The following TMEM163 variants were observed in gnomAD, a reference collection of about 807,000 sequenced individuals.
TMEM163 encodes the protein transmembrane protein 163.
TMEM163 carries 17 observed loss-of-function variants against 29.3 expected under a neutral mutation model. The observed-to-expected ratio is 0.58, with a 90% CI of 0.40 to 0.87. The LOEUF is 0.87. TMEM163 is among the 40% of genes least tolerant of loss of function. TMEM163 has a pLI of 0.00. For missense variants in TMEM163, 303 were observed against 381.5 expected, an observed-to-expected ratio of 0.79 and a Z score of 1.71; for synonymous variants, 157 against 160.6, an observed-to-expected ratio of 0.98 and a Z score of 0.17.
intron 2 of TMEM163, among the ~76,000 whole-genome samples, chr2:134,624,925 A>G (rs1167093013): frequency 6.6e-6 from 1 of 152,126 alleles, no homozygotes; most frequent in Non-Finnish European, 1.5e-5. Context: ...ATAAAAATAA[A>G]AAATTTAAAA....
chr2:134,485,091 CTTACAATGGGG>C (rs1190139145), intron 5 of TMEM163, among the ~76,000 whole-genome samples: 3 of 152,330 alleles, frequency 2.0e-5, no homozygotes, highest in African/African-American at 7.2e-5. Context: ...TGCTCCTTGA[CTTACAATGGGG>C]TTATGTCCGG....
At chr2:134,513,729 T>C (rs1271536796) in intron 4 of TMEM163, among the ~76,000 whole-genome samples, 1 of 152,128 alleles carries the variant, frequency 6.6e-6, no homozygotes, top group Non-Finnish European at 1.5e-5. Context: ...CCAAGCTCCA[T>C]TCTCCCTGAG....
At chr2:134,588,579 T>C (rs1193054378) in intron 2 of TMEM163, among the ~76,000 whole-genome samples, 1 of 152,112 alleles carries the variant, frequency 6.6e-6, no homozygotes, top group East Asian at 1.9e-4. Flanking sequence ...TCATGTGCCT[T>C]GAGACTCTCT....
At chr2:134,655,135 C>T (rs1256732750) in intron 2 of TMEM163, among the ~76,000 whole-genome samples, 1 of 138,072 alleles carries the variant, frequency 7.2e-6, no homozygotes, top group Admixed American at 7.1e-5. Context: ...TAATATCCTG[C>T]AGAGTGTTTT....
chr2:134,458,098 G>A lies in TMEM163; in HGVS notation c.743C>T (p.Ala248Val), dbSNP rs372688245. The A allele has an allele frequency of 1.4e-5, 22 of 1,614,062 alleles. No individual in the cohort carries two copies. The highest frequency in any genetic ancestry group is 7.7e-5 in the South Asian group (7 of 91,090). ...TATGCTGCCGTCCAGGTACCAGACC[G>A]CCGAGTCATGCTTGAACACTTCCGC... ...LSAEVFKHDS[A>V]VWYLDGSIGV... Residue 248 changes from alanine (A) to valine (V), a missense_variant, in exon 7 of 8, where the codon GCG (alanine) becomes GTG (valine). By Grantham distance (64) the Ala-to-Val change is moderately conservative. Coordinates refer to ENST00000281924, the MANE Select transcript of TMEM163 (RefSeq NM_030923.5).
intron 2 of TMEM163, among the ~76,000 whole-genome samples, chr2:134,648,216 T>C (rs895031637): frequency 1.3e-5 from 2 of 152,194 alleles, no homozygotes; most frequent in African/African-American, 4.8e-5. Flanking sequence ...TGGACTCCTC[T>C]CTGAAGCAAT....
At chr2:134,516,780 C>CATATATATGAAT (rs1680078933) in intron 4 of TMEM163, among the ~76,000 whole-genome samples, 2 of 139,458 alleles carry the variant, frequency 1.4e-5, no homozygotes, top group African/African-American at 5.4e-5. Context: ...CATATCTATT[C>CATATATATGAAT]ATATATATAT....
At chr2:134,618,389 G>C (rs980941237) in intron 2 of TMEM163, among the ~76,000 whole-genome samples, 2 of 152,038 alleles carry the variant, frequency 1.3e-5, no homozygotes, top group Admixed American at 1.3e-4. Flanking sequence ...TCTAACAAAA[G>C]ATCTCCAAAA....
chr2:134,706,913 G>A (rs1311892157), intron 2 of TMEM163, among the ~76,000 whole-genome samples: 5 of 152,176 alleles, frequency 3.3e-5, no homozygotes, highest in African/African-American at 9.7e-5. Context: ...CCCTGATCAC[G>A]TGGCCACAGG....
intron 4 of TMEM163, among the ~76,000 whole-genome samples, chr2:134,523,890 T>C (rs1680238428): frequency 6.6e-6 from 1 of 152,212 alleles, no homozygotes; most frequent in Non-Finnish European, 1.5e-5. Context: ...TAGACATTTT[T>C]GGTTGTCAAA....
At chr2:134,463,964 G>C (rs71417511) in intron 6 of TMEM163, among the ~76,000 whole-genome samples, 5,693 of 152,318 alleles carry the variant, frequency 0.037, 167 homozygotes, top group South Asian at 0.13. Flanking sequence ...CTGCCTGCCT[G>C]TTGCACATGA....
chr2:134,568,574 AAAAAG>A (rs1325070719), intron 2 of TMEM163, among the ~76,000 whole-genome samples: 2 of 151,582 alleles, frequency 1.3e-5, no homozygotes, highest in Non-Finnish European at 2.9e-5. Context: ...GAAGGAAAAG[AAAAAG>A]AAAAGAAGGA....
intron 2 of TMEM163, among the ~76,000 whole-genome samples, chr2:134,684,572 A>C (rs547810790): frequency 1.3e-4 from 20 of 152,290 alleles, no homozygotes; most frequent in Middle Eastern, 3.4e-3. Context: ...GTATCAAATA[A>C]AAGGGCACAA....
intron 5 of TMEM163, among the ~76,000 whole-genome samples, chr2:134,482,366 T>A (rs1484485928): frequency 1.3e-5 from 2 of 152,124 alleles, no homozygotes; most frequent in East Asian, 3.9e-4. Flanking sequence ...AGAGACCATG[T>A]CTGAAATCCC....
intron 2 of TMEM163, among the ~76,000 whole-genome samples, chr2:134,613,101 T>C (rs1256481376): frequency 6.6e-6 from 1 of 151,762 alleles, no homozygotes; most frequent in Non-Finnish European, 1.5e-5. Context: ...AATACTAGAG[T>C]TGAAAAGTAT....
chr2:134,619,381 A>T (rs144023462), intron 2 of TMEM163, among the ~76,000 whole-genome samples: 16 of 152,338 alleles, frequency 1.1e-4, no homozygotes, highest in Admixed American at 6.5e-4. Flanking sequence ...CAAATCTAGC[A>T]ACATATAAAC....
intron 4 of TMEM163, among the ~76,000 whole-genome samples, chr2:134,511,596 G>A (rs60342905): frequency 0.021 from 3,207 of 152,276 alleles, 125 homozygotes; most frequent in African/African-American, 0.073. Flanking sequence ...CAGGAGAAGC[G>A]GCAGCGCAGG....
chr2:134,662,767 C>A (rs1207219627), intron 2 of TMEM163, among the ~76,000 whole-genome samples: 2 of 152,126 alleles, frequency 1.3e-5, no homozygotes, highest in African/African-American at 2.4e-5. Flanking sequence ...TGAGGAACAG[C>A]CAGGAGCTTT....
intron 4 of TMEM163, among the ~76,000 whole-genome samples, chr2:134,526,723 G>A (rs988816929): frequency 6.6e-6 from 1 of 152,158 alleles, no homozygotes; most frequent in Non-Finnish European, 1.5e-5. Context: ...AAAATAGCCC[G>A]GCAATGCAGT....
Sources: allele counts gnomAD v4.1 joint callset (sites outside exome capture counted in the v4.1 genomes callset), GRCh38; gene constraint gnomAD v4.1.1; transcripts MANE v1.5; gene names NCBI Gene and HGNC (gene_info 2026-07-23, HGNC 2026-07-21).